Variants in SLC29A3 observed in about 807,000 individuals in gnomAD.
SLC29A3 encodes the protein equilibrative nucleoside transporter 3.
A neutral mutation model predicts 25.4 loss-of-function variants in SLC29A3; 18 were observed. That is an observed-to-expected ratio of 0.71 (90% CI 0.49 to 1.05). The LOEUF (loss-of-function observed/expected upper bound fraction) is 1.05, where lower values mean the gene tolerates loss of function less well. Ranked by LOEUF, SLC29A3 falls within the 50% of genes least tolerant of loss-of-function variation. The pLI, the probability that SLC29A3 is intolerant of heterozygous loss-of-function variation, is 0.00. For synonymous variants in SLC29A3, 258 were observed against 267.1 expected, an observed-to-expected ratio of 0.97 and a Z score of 0.33; for missense variants, 586 against 609.0, an observed-to-expected ratio of 0.96 and a Z score of 0.40.
In SLC29A3 at chr10:71,322,894, A is replaced by C; in HGVS notation, c.140A>C (p.Glu47Ala). The C allele has an allele frequency of 6.2e-7, 1 of 1,614,238 alleles. No individual in the cohort carries two copies. The highest frequency in any genetic ancestry group is 2.2e-5 in the East Asian group (1 of 44,876). The stretch of plus-strand genomic sequence containing the variant: ...CCGCCCCCTGGCCTGCAGAGGCCCG[A>C]GGACCGCTTCTGTGGCACATACATC... ...DRPPPGLQRP[E>A]DRFCGTYIIF... The change falls in exon 2 of 6, where the codon GAG becomes GCG. Residue 47 changes from glutamate to alanine, a missense_variant. Physicochemically the swap from Glu to Ala is moderately radical, Grantham distance 107 (BLOSUM62 -1). Coordinates refer to ENST00000373189, the MANE Select transcript of SLC29A3 (RefSeq NM_018344.6).
intron 2 of SLC29A3, among the ~76,000 whole-genome samples, chr10:71,332,682 T>A (rs1253414439): frequency 6.6e-6 from 1 of 152,194 alleles, no homozygotes; most frequent in African/African-American, 2.4e-5. Flanking sequence ...TCTACACCAT[T>A]TTTAAAAATT....
chr10:71,325,411 C>A (rs1055532331), intron 2 of SLC29A3, among the ~76,000 whole-genome samples: 1 of 152,154 alleles, frequency 6.6e-6, no homozygotes, highest in Non-Finnish European at 1.5e-5. Context: ...GTTATGTCAT[C>A]GGCACATTAC....
intron 3 of SLC29A3, among the ~76,000 whole-genome samples, chr10:71,373,472 G>T (rs1352340894): frequency 1.3e-4 from 20 of 152,170 alleles, no homozygotes; most frequent in Admixed American, 1.3e-3. Context: ...TCTTGAAATA[G>T]GGGAGTCAGG....
chr10:71,350,000 T>C (rs58818098), intron 3 of SLC29A3, among the ~76,000 whole-genome samples: 3,857 of 152,264 alleles, frequency 0.025, 114 homozygotes, highest in East Asian at 0.063. Context: ...GCATCCAGCA[T>C]AGTACTGGAC....
intron 2 of SLC29A3, among the ~76,000 whole-genome samples, chr10:71,339,475 T>A (rs574589134): frequency 1.2e-4 from 18 of 152,240 alleles, no homozygotes; most frequent in Non-Finnish European, 1.8e-4. Flanking sequence ...GCTGGGCCTC[T>A]CCCACGTGGG....
intron 3 of SLC29A3, chr10:71,375,569 T>G (rs937130612): frequency 6.6e-6 from 1 of 152,206 alleles, no homozygotes; most frequent in African/African-American, 2.4e-5. Flanking sequence ...TGGTTTTCCA[T>G]TAAAGTAATG....
chr10:71,361,831 G>A, intron 5 of SLC29A3, 123 bp from the exon 6 acceptor site: 1 of 1,110,790 alleles, frequency 9.0e-7, no homozygotes, highest in Non-Finnish European at 1.3e-6. Flanking sequence ...TGGAGCTGTG[G>A]GCATACGGGG....
At chr10:71,373,769 A>G (rs1847229278) in intron 3 of SLC29A3, among the ~76,000 whole-genome samples, 1 of 152,170 alleles carries the variant, frequency 6.6e-6, no homozygotes, top group Non-Finnish European at 1.5e-5. Context: ...TCCCTTGCCT[A>G]AATGGGCTTG....
intron 5 of SLC29A3, among the ~76,000 whole-genome samples, chr10:71,358,714 T>G (rs1240779200): frequency 2.0e-5 from 3 of 152,196 alleles, no homozygotes; most frequent in Non-Finnish European, 2.9e-5. Flanking sequence ...TAGCCAACCT[T>G]CCTTGCTTGC....
At chr10:71,376,396 C>CTG (rs3059644) in intron 4 of SLC29A3, among the ~76,000 whole-genome samples, 136,396 of 152,136 alleles carry the variant, frequency 0.9, 61,607 homozygotes, top group African/African-American at 0.95. Context: ...CCCTGTAGAG[C>CTG]TGTGTCAGAG....
intron 2 of SLC29A3, among the ~76,000 whole-genome samples, chr10:71,334,163 C>T (rs904536995): frequency 1.3e-5 from 2 of 152,156 alleles, no homozygotes; most frequent in African/African-American, 2.4e-5. Flanking sequence ...GATATGAGAC[C>T]GTAGATTGGG....
At chr10:71,361,458 G>A (rs1359038280) in intron 5 of SLC29A3, among the ~76,000 whole-genome samples, 1 of 152,180 alleles carries the variant, frequency 6.6e-6, no homozygotes, top group Non-Finnish European at 1.5e-5. Context: ...CATCATGCCC[G>A]GCCTAGAATG....
intron 3 of SLC29A3, among the ~76,000 whole-genome samples, chr10:71,372,815 A>G (rs534940433): frequency 6.6e-6 from 1 of 152,286 alleles, no homozygotes; most frequent in Non-Finnish European, 1.5e-5. Flanking sequence ...CCACGCCCCA[A>G]GGTTGGCGCC....
At position 71,362,385 on chromosome 10, in the gene SLC29A3, T is replaced by A; in HGVS notation, c.1205T>A (p.Val402Asp). 6.2e-7 allele frequency: 1 copy of A among 1,614,130 alleles called. No individual in the cohort carries two copies. The highest frequency in any genetic ancestry group is 1.1e-5 in the South Asian group (1 of 91,084). Residue 402 changes from valine to aspartate, a missense_variant, in exon 6 of 6, where the codon GTC becomes GAC. Coordinates refer to ENST00000373189, the MANE Select transcript of SLC29A3 (RefSeq NM_018344.6). ...LFVLCNYQPR[V>D]HLKTVVFQSD... is the part of the protein sequence containing the mutation. ...GTGCTCTGTAACTACCAGCCCCGCG[T>A]CCACCTGAAGACTGTGGTCTTCCAG...
At chr10:71,367,570 G>A (rs1461252401), downstream of SLC29A3, among the ~76,000 whole-genome samples, 1 of 152,184 alleles carries the variant, frequency 6.6e-6, no homozygotes, top group Admixed American at 6.5e-5. Flanking sequence ...TCAGGGCACA[G>A]TGCACACCCC....
intron 2 of SLC29A3, among the ~76,000 whole-genome samples, chr10:71,326,270 TA>T (rs1425078189): frequency 6.6e-6 from 1 of 152,170 alleles, no homozygotes; most frequent in Non-Finnish European, 1.5e-5. Context: ...ACCAACTTCT[TA>T]GGGCTGTTGT....
intron 5 of SLC29A3, 52 bp downstream of exon 5, chr10:71,356,295 C>T: frequency 1.3e-6 from 2 of 1,596,802 alleles, no homozygotes; most frequent in East Asian, 2.2e-5. Flanking sequence ...CCAGTTATAG[C>T]CATGCTTCTT....
At chr10:71,360,616 A>T (rs775529243) in intron 5 of SLC29A3, among the ~76,000 whole-genome samples, 1 of 152,238 alleles carries the variant, frequency 6.6e-6, no homozygotes, top group Non-Finnish European at 1.5e-5. Flanking sequence ...CTATTAGGAG[A>T]GCAGTTTATC....
chr10:71,339,631 G>T (rs1298084724), intron 2 of SLC29A3, among the ~76,000 whole-genome samples: 2 of 152,074 alleles, frequency 1.3e-5, no homozygotes, highest in Non-Finnish European at 2.9e-5. Context: ...AGGGGCTGTT[G>T]GTGCTAAGGA....
Sources: allele counts gnomAD v4.1 joint callset (sites outside exome capture counted in the v4.1 genomes callset), GRCh38; gene constraint gnomAD v4.1.1; transcripts MANE v1.5; gene names NCBI Gene and HGNC (gene_info 2026-07-23, HGNC 2026-07-21).